Variants in PDE5A observed in about 807,000 individuals in gnomAD.
PDE5A encodes cGMP-specific 3',5'-cyclic phosphodiesterase.
In PDE5A, 67 loss-of-function variants were observed where a neutral mutation model predicts 110.2. The observed-to-expected ratio is 0.61, with a 90% CI of 0.50 to 0.75. The LOEUF (loss-of-function observed/expected upper bound fraction) is 0.75. Among genes scored for constraint, PDE5A ranks in the 30% least tolerant of loss-of-function variants. The probability of loss-of-function intolerance (pLI) is 0.00; values close to 1 mark genes in which losing one functional copy is unlikely to be tolerated. For missense variants in PDE5A, 862 were observed against 1,045.1 expected (o/e 0.82, Z 2.42); for synonymous variants, 328 against 351.2 (o/e 0.93, Z 0.74).
intron 3 of PDE5A, among the ~76,000 whole-genome samples, chr4:119,569,476 T>C (rs1197668877): frequency 6.6e-6 from 1 of 151,820 alleles, no homozygotes; most frequent in Non-Finnish European, 1.5e-5. Context: ...ACATATACCC[T>C]GTAAATTTGT....
At chr4:119,588,142 T>C (rs1201104404) in intron 3 of PDE5A, among the ~76,000 whole-genome samples, 1 of 151,946 alleles carries the variant, frequency 6.6e-6, no homozygotes, top group East Asian at 1.9e-4. Context: ...TAATTTTTGG[T>C]GTACAAGAGC....
intron 9 of PDE5A, chr4:119,548,909 C>T (rs1292820291): frequency 6.6e-6 from 1 of 151,992 alleles, no homozygotes; most frequent in African/African-American, 2.4e-5. Flanking sequence ...GCAATGTATA[C>T]CATGGAAGAC....
intron 2 of PDE5A, among the ~76,000 whole-genome samples, chr4:119,603,385 TAC>T (rs1385437476): frequency 7.1e-6 from 1 of 140,960 alleles, no homozygotes; most frequent in Non-Finnish European, 1.7e-5. Context: ...AATACATACA[TAC>T]ATACATACAT....
rs112189273 is a variant in PDE5A at position 119,522,848 on chromosome 4, C to G, written c.1780-1788G>C. Among the ~76,000 whole-genome samples the G allele has an allele frequency of 3.6e-3, 541 of 151,960 alleles. 7 individuals are homozygous for G. Among genetic ancestry groups the G allele is most frequent in the African/African-American group, 0.012 (480 of 41,472 alleles). On this transcript the variant is annotated intron_variant, in intron 12 of 20. Transcript: ENST00000354960. Reference sequence around the variant, plus strand: ...GTATTTTGTACAGGACTACTGAGTACTTATTTGCAGTTTGGATGACTCTAC... The same window carrying G: ...GTATTTTGTACAGGACTACTGAGTAGTTATTTGCAGTTTGGATGACTCTAC...
At chr4:119,596,000 A>C (rs1729139724) in intron 3 of PDE5A, among the ~76,000 whole-genome samples, 1 of 152,228 alleles carries the variant, frequency 6.6e-6, no homozygotes, top group South Asian at 2.1e-4. Flanking sequence ...GAGGGAATTC[A>C]GTGATAACAG....
At chr4:119,527,524 A>G (rs899631818) in intron 11 of PDE5A, among the ~76,000 whole-genome samples, 3 of 152,166 alleles carry the variant, frequency 2.0e-5, no homozygotes, top group Non-Finnish European at 4.4e-5. Context: ...AGGTGATTTT[A>G]AGTAAAACAT....
At chr4:119,553,125 G>A (rs1258897018) in intron 8 of PDE5A, among the ~76,000 whole-genome samples, 1 of 151,890 alleles carries the variant, frequency 6.6e-6, no homozygotes, top group Non-Finnish European at 1.5e-5. Flanking sequence ...CAAAATCAAG[G>A]CAGCTGCCTC....
At position 119,627,356 on chromosome 4, in the gene PDE5A, C is replaced by T; in HGVS notation, c.152+1164G>A. 1 of 1,021,212 alleles carries T rather than the reference C, an allele frequency of 9.8e-7. No individual in the cohort carries two copies. Among genetic ancestry groups the T allele is most frequent in the Non-Finnish European group, 1.2e-6 (1 of 848,934 alleles). 63.3% of individuals were successfully genotyped at this position (1,021,212 alleles called of 1,614,324 possible). A position where few individuals can be genotyped will look rare whatever the true frequency, so the allele number is the denominator to read the frequency against. On this transcript the variant is annotated intron_variant, in intron 1 of 20. Transcript: ENST00000354960. This position sits in a 1 kb window ranked among gnomAD's most constrained non-coding sequence, Gnocchi z 4.6. The stretch of plus-strand genomic sequence containing the variant: ...CCGCTCGCCCCGCGCTGCGCCGCCC[C>T]CTGGCGGGGAGCGACCGGCAGAGCC...
chr4:119,623,835 A>T (rs550464641), intron 1 of PDE5A, among the ~76,000 whole-genome samples: 5 of 152,332 alleles, frequency 3.3e-5, no homozygotes, highest in African/African-American at 1.2e-4. Flanking sequence ...AGTTTGTGTT[A>T]TACTAAGCAA....
intron 3 of PDE5A, among the ~76,000 whole-genome samples, chr4:119,591,659 AT>A (rs573292280): frequency 6.6e-6 from 1 of 152,274 alleles, no homozygotes; most frequent in East Asian, 1.9e-4. Flanking sequence ...GCCTGGGTTT[AT>A]TTTTTGGCCA....
intron 3 of PDE5A, among the ~76,000 whole-genome samples, chr4:119,580,980 C>T (rs533049460): frequency 1.3e-5 from 2 of 152,318 alleles, no homozygotes; most frequent in East Asian, 3.9e-4. Flanking sequence ...TGCCTGACGC[C>T]AGGTGTTGGC....
chr4:119,561,108 G>A (rs1314080714), intron 6 of PDE5A, among the ~76,000 whole-genome samples: 1 of 151,956 alleles, frequency 6.6e-6, no homozygotes, highest in Non-Finnish European at 1.5e-5. Context: ...CAGCCTGAAT[G>A]ATACAGCAAT....
chr4:119,628,059 C>G (rs1398078955), intron 1 of PDE5A: 1 of 985,832 alleles, frequency 1.0e-6, no homozygotes, highest in Admixed American at 6.1e-5. Context: ...CCCCAGCTTC[C>G]CCGCCCAGCC....
chr4:119,574,179 C>CTTTTTTTTTTTTT (rs70944893), intron 3 of PDE5A, among the ~76,000 whole-genome samples: 1 of 89,176 alleles, frequency 1.1e-5, no homozygotes, highest in Non-Finnish European at 1.9e-5. Flanking sequence ...AAAATATAGG[C>CTTTTTTTTTTTTT]TTTTTTTTTT....
intron 3 of PDE5A, among the ~76,000 whole-genome samples, chr4:119,573,948 G>C (rs759965833): frequency 1.6e-4 from 25 of 151,700 alleles, no homozygotes; most frequent in Non-Finnish European, 2.6e-4. Context: ...GAGAAGGGTG[G>C]GCTTGCCATG....
intron 18 of PDE5A, among the ~76,000 whole-genome samples, chr4:119,503,176 G>A (rs1012279826): frequency 6.6e-6 from 1 of 152,154 alleles, no homozygotes; most frequent in African/African-American, 2.4e-5. Flanking sequence ...GAGCCTGTAG[G>A]AAGAGTTACT....
chr4:119,530,780 AT>A (rs1384993600), intron 11 of PDE5A, among the ~76,000 whole-genome samples: 1 of 152,118 alleles, frequency 6.6e-6, no homozygotes, highest in African/African-American at 2.4e-5. Flanking sequence ...TTTCATATAA[AT>A]TTAATTTGGC....
chr4:119,508,826 G>A (rs1289386541), intron 15 of PDE5A, among the ~76,000 whole-genome samples: 1 of 151,788 alleles, frequency 6.6e-6, no homozygotes, highest in Non-Finnish European at 1.5e-5. Flanking sequence ...ATAATTTCTT[G>A]TGTAATTATG....
intron 6 of PDE5A, among the ~76,000 whole-genome samples, chr4:119,561,960 G>A (rs112610717): frequency 0.025 from 3,733 of 152,092 alleles, 60 homozygotes; most frequent in South Asian, 0.051. Flanking sequence ...ACATAACTTC[G>A]GATATCATAT....
Sources: gnomAD v4.1 joint callset for allele counts (sites outside exome capture counted in the v4.1 genomes callset) on GRCh38, gnomAD v4.1.1 for gene constraint, Gnocchi (gnomAD v3.1) non-coding constraint, MANE v1.5 for transcripts, NCBI Gene and HGNC (gene_info 2026-07-23, HGNC 2026-07-21) for gene names.